Variants in KRT36 observed in about 807,000 individuals in gnomAD.
KRT36 encodes the protein keratin 36.
KRT36 carries 41 observed loss-of-function variants against 43.0 expected under a neutral mutation model. The ratio of observed to expected loss-of-function variants is 0.95; its 90% confidence interval spans 0.74 to 1.24. The LOEUF is 1.24. Ranked by LOEUF, KRT36 falls within the 50% of genes most tolerant of loss-of-function variation. The pLI, the probability that KRT36 is intolerant of heterozygous loss-of-function variation, is 0.00. For synonymous variants in KRT36, 277 were observed against 252.9 expected, an observed-to-expected ratio of 1.10 and a Z score of -0.90; for missense variants, 627 against 595.3, an observed-to-expected ratio of 1.05 and a Z score of -0.55.
At position 41,487,602 on chromosome 17, in the gene KRT36, C is replaced by A; in HGVS notation, c.835G>T (p.Asp279Tyr). 1 of 1,614,180 alleles carries A rather than the reference C, an allele frequency of 6.2e-7. No individual in the cohort carries two copies. Among genetic ancestry groups the A allele is most frequent in the Non-Finnish European group, 8.5e-7 (1 of 1,180,004 alleles). The change falls in exon 4 of 7, where the codon GAT becomes TAT. Residue 279 changes from aspartate to tyrosine, a missense_variant. Physicochemically the swap from Asp to Tyr is radical, Grantham distance 160. Coordinates refer to ENST00000328119, the MANE Select transcript of KRT36 (RefSeq NM_003771.5). ...TGGGTGTTGAACCAGGCCTCCACATCTCTGCGGTTATTCTCCACCAGGGCC... is the reference window on the plus strand; with the variant it reads ...TGGGTGTTGAACCAGGCCTCCACATATCTGCGGTTATTCTCCACCAGGGCC... ...YEALVENNRR[D>Y]VEAWFNTQTE...
In KRT36 at chr17:41,487,026, C is replaced by T. The variant is rs754990134; in HGVS notation, c.1132G>A (p.Val378Met). 2 of 1,614,186 alleles carry T rather than the reference C, an allele frequency of 1.2e-6. No individual in the cohort carries two copies. The highest frequency in any genetic ancestry group is 1.7e-6 in the Non-Finnish European group (2 of 1,180,040). Residue 378 changes from valine (V) to methionine (M), a missense_variant, in exon 6 of 7, where the codon GTG (valine) becomes ATG (methionine). Physicochemically the swap from Val to Met is conservative, Grantham distance 21. Transcript: ENST00000328119. ...AGCCGGGCCTTGACGTCCAGTAACA[C>T]CTGGTACTCCTGGTTCTGCCGCTCC... ...DLERQNQEYQ[V>M]LLDVKARLEG... is the part of the protein sequence containing the mutation.
At chr17:41,488,167 C>T in intron 3 of KRT36, 76 bp downstream of exon 3, 2 of 1,452,498 alleles carry the variant, frequency 1.4e-6, no homozygotes, top group Non-Finnish European at 9.5e-7. Flanking sequence ...TCCTGCCGCA[C>T]AGAAAACTGA....
Position 41,487,634 on chromosome 17 carries a change from T to C in KRT36, c.803A>G (p.Gln268Arg), listed in dbSNP as rs1005705421. 3 of 1,614,078 alleles carry C rather than the reference T, an allele frequency of 1.9e-6. No homozygotes were observed. Among genetic ancestry groups the C allele is most frequent in the African/African-American group, 2.7e-5 (2 of 74,934 alleles). ...LNKILEDMRC[Q>R]YEALVENNRR... ...GTTATTCTCCACCAGGGCCTCGTACTGGCATCTCATATCCTCCAGGATCTT... is the reference window on the plus strand; with the variant it reads ...GTTATTCTCCACCAGGGCCTCGTACCGGCATCTCATATCCTCCAGGATCTT... Residue 268 changes from glutamine (Q) to arginine (R), a missense_variant, in exon 4 of 7, where the codon CAG becomes CGG. Coordinates refer to ENST00000328119, the MANE Select transcript of KRT36 (RefSeq NM_003771.5).
Position 41,489,527 on chromosome 17 carries a change from T to C in KRT36, c.338A>G (p.Gln113Arg). 1 of 1,614,212 alleles carries C rather than the reference T, an allele frequency of 6.2e-7. No individual in the cohort carries two copies. Among genetic ancestry groups the C allele is most frequent in the Non-Finnish European group, 8.5e-7 (1 of 1,180,042 alleles). The change falls in exon 1 of 7, where the codon CAG becomes CGG. Residue 113 changes from glutamine (Q) to arginine (R), a missense_variant. Transcript: ENST00000328119. The stretch of plus-strand genomic sequence containing the variant: ...CAGCTCCGCGTTCTCCCGCTCCAGC[T>C]GACGCACCTTCTCCAGGTAGTTGGC... ...RLANYLEKVR[Q>R]LERENAELES...
Position 41,487,438 on chromosome 17 carries a change from C to T in KRT36, c.900G>A (p.Glu300=). 1 of 1,614,182 alleles carries T rather than the reference C, an allele frequency of 6.2e-7. No homozygotes were observed. The highest frequency in any genetic ancestry group is 8.5e-7 in the Non-Finnish European group (1 of 1,180,024). ...ELNQQVVSSS[E]QLQCCQTEII... is the part of the protein sequence containing the mutation. ...TCTCCGTCTGGCAGCACTGCAGCTG[C>T]TCCGAGCTGGACACCACCTGCTGGT... The change falls in exon 5 of 7, where the codon GAG becomes GAA. Residue 300 remains glutamate (E), a synonymous_variant. Transcript: ENST00000328119.
In KRT36 at chr17:41,487,150, G is replaced by A. The variant is rs560387688; in HGVS notation, c.1008C>T (p.Thr336=). 16 of 1,613,546 alleles carry A rather than the reference G, an allele frequency of 9.9e-6. No individual in the cohort carries two copies. The South Asian group carries it at 1.3e-4, about 13-fold the overall frequency. The part of the protein sequence containing the change: ...QHSMRNSLES[T]LAETEARYSS... ...TGTAGCGGGCCTCGGTTTCGGCCAG[G>A]GTGGATTCCAAGGAATTCCGCTGCA... is the stretch of plus-strand genomic sequence containing the variant. Residue 336 remains threonine, a synonymous_variant, in exon 6 of 7, where the codon ACC becomes ACT. Transcript: ENST00000328119.
intron 1 of KRT36, 55 bp downstream of exon 1, chr17:41,489,351 A>C: frequency 6.4e-7 from 1 of 1,556,500 alleles, no homozygotes; most frequent in East Asian, 2.3e-5. Context: ...GGAATGAGAC[A>C]GACGCCTCCT....
In KRT36 at chr17:41,487,084, C is replaced by T. The variant is rs902184000; in HGVS notation, c.1074G>A (p.Val358=). ...LAQMQCLISN[V]EAQLSEIRCD... ...AGCGGATCTCAGACAGCTGGGCCTC[C>T]ACGTTGCTGATCAGGCACTGCATCT... is the stretch of plus-strand genomic sequence containing the variant. Residue 358 remains valine (V), a synonymous_variant, in exon 6 of 7, where the codon GTG becomes GTA. Coordinates refer to ENST00000328119, the MANE Select transcript of KRT36 (RefSeq NM_003771.5). The T allele has an allele frequency of 3.7e-6, 6 of 1,614,250 alleles. No individual in the cohort carries two copies. Among genetic ancestry groups the T allele is most frequent in the Non-Finnish European group, 5.1e-6 (6 of 1,180,036 alleles).
chr17:41,487,346 C>T lies in KRT36; in HGVS notation c.987+5G>A, dbSNP rs368656368. 106 of 1,610,134 alleles carry T rather than the reference C, an allele frequency of 6.6e-5. No homozygotes were observed. Among genetic ancestry groups the T allele is most frequent in the Non-Finnish European group, 8.6e-5 (102 of 1,179,400 alleles). ...TGGCCAGCGACGCAGGCAGGGGCCACTCACCATGCTGTGCTGAGCCTGCAG... is the reference window on the plus strand; with the variant it reads ...TGGCCAGCGACGCAGGCAGGGGCCATTCACCATGCTGTGCTGAGCCTGCAG... On this transcript the variant is annotated splice_donor_5th_base_variant and intron_variant, in intron 5 of 6. Coordinates refer to ENST00000328119, the MANE Select transcript of KRT36 (RefSeq NM_003771.5).
rs372036536 is a variant in KRT36, at chr17:41,486,400, C to T, written c.1380G>A (p.Glu460=). ...GTCACAGCGGGCGGGACTGCACGTG[C>T]TCCCTGGAGGAGATGACTTTCCCAT... is the stretch of plus-strand genomic sequence containing the variant. ...IRDGKVISSR[E]HVQSRPL is the part of the protein sequence containing the mutation. The change falls in exon 7 of 7, where the codon GAG becomes GAA. Residue 460 remains glutamate, a synonymous_variant. Transcript: ENST00000328119. 3 of 1,614,004 alleles carry T rather than the reference C, an allele frequency of 1.9e-6. No homozygotes were observed. The highest frequency in any genetic ancestry group is 1.3e-5 in the African/African-American group (1 of 75,038).
rs1310972874 is a variant in KRT36 at position 41,487,395 on chromosome 17, T to C, written c.943A>G (p.Thr315Ala). ...CQTEIIELRR[T>A]VNALEIELQA... ...AGCTCAATCTCTAGCGCGTTGACCGTACGTCTCAGCTCGATGATCTCCGTC... is the reference window on the plus strand; with the variant it reads ...AGCTCAATCTCTAGCGCGTTGACCGCACGTCTCAGCTCGATGATCTCCGTC... Residue 315 changes from threonine (T) to alanine (A), a missense_variant, in exon 5 of 7, where the codon ACG (threonine) becomes GCG (alanine). Coordinates refer to ENST00000328119, the MANE Select transcript of KRT36 (RefSeq NM_003771.5). The C allele has an allele frequency of 1.9e-6, 3 of 1,613,596 alleles. No homozygotes were observed. Among genetic ancestry groups the C allele is most frequent in the Non-Finnish European group, 2.5e-6 (3 of 1,179,898 alleles).
chr17:41,488,927 C>T (rs1370076638), intron 1 of KRT36, among the ~76,000 whole-genome samples: 6 of 152,148 alleles, frequency 3.9e-5, no homozygotes, highest in African/African-American at 7.2e-5. Flanking sequence ...TCAGTCCTGG[C>T]GCCTGTAGCC....
chr17:41,486,217 T>C lies in KRT36; in HGVS notation c.*159A>G. 1 of 600,812 alleles carries C rather than the reference T, an allele frequency of 1.7e-6. No individual in the cohort carries two copies. Among genetic ancestry groups the C allele is most frequent in the Non-Finnish European group, 2.9e-6 (1 of 347,246 alleles). 37.2% of individuals were successfully genotyped at this position (600,812 alleles called of 1,614,324 possible). ...GTTTTGCATGGCGTAAAAGCACAGTTAAGTCCGGAAACACAATACGGGGAG... is the reference window on the plus strand; with the variant it reads ...GTTTTGCATGGCGTAAAAGCACAGTCAAGTCCGGAAACACAATACGGGGAG... On this transcript the variant is annotated 3_prime_UTR_variant, in exon 7 of 7. Coordinates refer to ENST00000328119, the MANE Select transcript of KRT36 (RefSeq NM_003771.5).
chr17:41,487,555 C>T (rs369778278), intron 4 of KRT36, 21 bp downstream of exon 4: 8 of 1,613,020 alleles, frequency 5.0e-6, no homozygotes, highest in Admixed American at 3.3e-5. Context: ...AGCCTGTGGT[C>T]CCAGGGCACC....
Position 41,487,407 on chromosome 17 carries a change from C to G in KRT36, c.931G>C (p.Glu311Gln). Residue 311 changes from glutamate (E) to glutamine (Q), a missense_variant, in exon 5 of 7, where the codon GAG becomes CAG. Coordinates refer to ENST00000328119, the MANE Select transcript of KRT36 (RefSeq NM_003771.5). Reference sequence around the variant, plus strand: ...AGCGCGTTGACCGTACGTCTCAGCTCGATGATCTCCGTCTGGCAGCACTGC... The same window carrying G: ...AGCGCGTTGACCGTACGTCTCAGCTGGATGATCTCCGTCTGGCAGCACTGC... ...QLQCCQTEII[E>Q]LRRTVNALEI... The G allele has an allele frequency of 6.2e-7, 1 of 1,613,844 alleles. No individual in the cohort carries two copies. The highest frequency in any genetic ancestry group is 1.7e-4 in the Middle Eastern group (1 of 5,992).
At position 41,489,619 on chromosome 17, in the gene KRT36, GC is replaced by G. The variant is rs774618828; in HGVS notation, c.245del (p.Gly82AlafsTer19). ...CGTTGAAGGAGCCCTCGCAGAACCA[GC>G]CCCCGCTCCCCACAAAGCCAGAGGT... ...CHTSGFVGSG[G>X]WFCEGSFNGS... On this transcript the variant is annotated frameshift_variant, in exon 1 of 7. Transcript: ENST00000328119. LOFTEE classifies it high-confidence loss of function. 1.9e-6 allele frequency: 3 copies of G among 1,614,196 alleles called. No individual in the cohort carries two copies. Among genetic ancestry groups the G allele is most frequent in the Admixed American group, 1.7e-5 (1 of 60,022 alleles).
Position 41,488,389 on chromosome 17 carries a change from C to T in KRT36, c.553G>A (p.Glu185Lys). ...ADDFRTKYET[E>K]LSLRQLVEAD... ...TCCACTAGCTGCCGCAGAGACAGCT[C>T]TGTCTCATACCTGCACACACAGAAC... Residue 185 changes from glutamate (E) to lysine (K), a missense_variant, in exon 3 of 7, where the codon GAG becomes AAG. Coordinates refer to ENST00000328119, the MANE Select transcript of KRT36 (RefSeq NM_003771.5). The T allele has an allele frequency of 6.2e-7, 1 of 1,613,986 alleles. No individual in the cohort carries two copies. The highest frequency in any genetic ancestry group is 1.7e-5 in the Admixed American group (1 of 60,020).
At position 41,489,671 on chromosome 17, in the gene KRT36, C is replaced by A; in HGVS notation, c.194G>T (p.Gly65Val). Reference protein sequence around the residue: ...GLSGLGSCLPGSYLSSECHTS... With the variant: ...GLSGLGSCLPVSYLSSECHTS... Reference sequence around the variant, plus strand: ...GTGGCACTCAGAAGACAGGTAGGAGCCAGGCAAGCAGCTCCCAAGGCCAGA... The same window carrying A: ...GTGGCACTCAGAAGACAGGTAGGAGACAGGCAAGCAGCTCCCAAGGCCAGA... The change falls in exon 1 of 7, where the codon GGC becomes GTC. Residue 65 changes from glycine (G) to valine (V), a missense_variant. Transcript: ENST00000328119. The A allele has an allele frequency of 6.2e-7, 1 of 1,614,186 alleles. No homozygotes were observed. Among genetic ancestry groups the A allele is most frequent in the Non-Finnish European group, 8.5e-7 (1 of 1,180,040 alleles).
intron 2 of KRT36, 50 bp downstream of exon 2, chr17:41,488,592 C>T: frequency 6.3e-7 from 1 of 1,578,980 alleles, no homozygotes; most frequent in Non-Finnish European, 8.7e-7. Flanking sequence ...AGGCAGGGGA[C>T]AGAGGCAAGG....
Sources: gnomAD v4.1 joint callset for allele counts (sites outside exome capture counted in the v4.1 genomes callset) on GRCh38, gnomAD v4.1.1 for gene constraint, MANE v1.5 for transcripts, NCBI Gene and HGNC (gene_info 2026-07-23, HGNC 2026-07-21) for gene names.